Variants in PTPRJ observed in about 807,000 individuals in gnomAD.
The protein encoded by PTPRJ is protein tyrosine phosphatase receptor type J.
PTPRJ carries 129 observed loss-of-function variants against 141.3 expected under a neutral mutation model. The observed-to-expected ratio is 0.91, with a 90% CI of 0.79 to 1.06. The LOEUF is 1.06. Ranked by LOEUF, PTPRJ falls within the 50% of genes least tolerant of loss-of-function variation. PTPRJ has a pLI of 0.00. For synonymous variants in PTPRJ, 610 were observed against 640.5 expected (o/e 0.95, Z 0.72); for missense variants, 1,601 against 1,679.7 (o/e 0.95, Z 0.82).
chr11:48,136,960 T>A, intron 9 of PTPRJ, 43 bp from the exon 10 acceptor site: 1 of 1,506,052 alleles, frequency 6.6e-7, no homozygotes, highest in Non-Finnish European at 9.1e-7. Flanking sequence ...GAATTCTACT[T>A]AATCTGTGCT....
At chr11:48,124,712 T>G (rs1206065658) in intron 5 of PTPRJ, among the ~76,000 whole-genome samples, 1 of 152,162 alleles carries the variant, frequency 6.6e-6, no homozygotes, top group African/African-American at 2.4e-5. Flanking sequence ...GAGAATGACC[T>G]GAAATAAGCA....
At position 47,980,833 on chromosome 11, in the gene PTPRJ, C is replaced by A. The variant is rs1853880681; in HGVS notation, c.-80C>A. Reference sequence around the variant, plus strand: ...AGGAGGCGAAGGAGACGGCAGGAGGCGGCGACGACGGTGCCCGGGCTCGGG... The same window carrying A: ...AGGAGGCGAAGGAGACGGCAGGAGGAGGCGACGACGGTGCCCGGGCTCGGG... On this transcript the variant is annotated 5_prime_UTR_variant, in exon 1 of 25. Coordinates refer to ENST00000418331, the MANE Select transcript of PTPRJ (RefSeq NM_002843.4). The A allele has an allele frequency of 2.8e-6, 3 of 1,058,350 alleles. No individual in the cohort carries two copies. Among genetic ancestry groups the A allele is most frequent in the Non-Finnish European group, 3.4e-6 (3 of 879,644 alleles). 65.6% of individuals were successfully genotyped at this position (1,058,350 alleles called of 1,614,324 possible).
chr11:48,131,382 C>T (rs569498440), intron 8 of PTPRJ: 3 of 635,072 alleles, frequency 4.7e-6, no homozygotes, highest in East Asian at 2.8e-5. Context: ...TGCACCCAGC[C>T]CACAAATATA....
intron 1 of PTPRJ, among the ~76,000 whole-genome samples, chr11:48,017,499 A>G (rs1854981726): frequency 6.6e-6 from 1 of 152,262 alleles, no homozygotes; most frequent in Admixed American, 6.5e-5. Context: ...TATAAGAGTG[A>G]CATGGCATTC....
chr11:48,154,575 A>G (rs1241376206), intron 19 of PTPRJ, among the ~76,000 whole-genome samples: 1 of 152,236 alleles, frequency 6.6e-6, no homozygotes, highest in African/African-American at 2.4e-5. Context: ...GAGCATAAGC[A>G]GATTGTAGCC....
chr11:47,984,525 GA>G (rs1337774603), intron 1 of PTPRJ, among the ~76,000 whole-genome samples: 1 of 151,828 alleles, frequency 6.6e-6, no homozygotes, highest in Non-Finnish European at 1.5e-5. Flanking sequence ...GGCCATTTCA[GA>G]AATACCAAGA....
chr11:47,997,091 A>C (rs1354647310), intron 1 of PTPRJ, among the ~76,000 whole-genome samples: 1 of 152,098 alleles, frequency 6.6e-6, no homozygotes, highest in East Asian at 1.9e-4. Flanking sequence ...CCCTATTGAC[A>C]TTTTGGGCTG....
chr11:48,051,910 CA>C (rs1854581124), intron 1 of PTPRJ, among the ~76,000 whole-genome samples: 1 of 152,184 alleles, frequency 6.6e-6, no homozygotes, highest in Admixed American at 6.5e-5. Flanking sequence ...AGATGATAGT[CA>C]TATCTGAATG....
intron 8 of PTPRJ, chr11:48,132,342 A>G: frequency 4.1e-6 from 4 of 975,916 alleles, no homozygotes; most frequent in Non-Finnish European, 3.7e-6. Flanking sequence ...GCAGACTAGC[A>G]CCAGCCTGGG....
intron 1 of PTPRJ, among the ~76,000 whole-genome samples, chr11:48,040,891 C>T (rs1327419208): frequency 6.6e-6 from 1 of 152,174 alleles, no homozygotes; most frequent in Non-Finnish European, 1.5e-5. Context: ...CGTGAGCCAC[C>T]ATGCCCCTCT....
At chr11:48,071,036 A>T (rs1261628471) in intron 1 of PTPRJ, among the ~76,000 whole-genome samples, 1 of 152,180 alleles carries the variant, frequency 6.6e-6, no homozygotes, top group East Asian at 1.9e-4. Context: ...CTGTTAAAGT[A>T]TATTATTACT....
chr11:48,103,949 G>A (rs1166182071), intron 1 of PTPRJ, among the ~76,000 whole-genome samples: 1 of 152,222 alleles, frequency 6.6e-6, no homozygotes, highest in East Asian at 1.9e-4. Context: ...TTGCAGGGTG[G>A]TTGGTTCTCG....
chr11:48,053,063 T>C (rs1304245790), intron 1 of PTPRJ, among the ~76,000 whole-genome samples: 2 of 138,024 alleles, frequency 1.4e-5, no homozygotes, highest in East Asian at 4.0e-4. Flanking sequence ...GTTTTTTTTT[T>C]TCCCCTCCAA....
chr11:48,079,148 G>C (rs1565291860), intron 1 of PTPRJ, among the ~76,000 whole-genome samples: 1 of 149,796 alleles, frequency 6.7e-6, no homozygotes. Context: ...AACAATAGCT[G>C]ATGAGCTAAA....
At chr11:48,029,682 C>T (rs146915382) in intron 1 of PTPRJ, among the ~76,000 whole-genome samples, 125 of 152,182 alleles carry the variant, frequency 8.2e-4, no homozygotes, top group African/African-American at 2.4e-3. Flanking sequence ...ATTTCTTTAG[C>T]GGTCTTTTGT....
At chr11:48,160,566 T>C (rs577443854) in intron 22 of PTPRJ, among the ~76,000 whole-genome samples, 1 of 152,330 alleles carries the variant, frequency 6.6e-6, no homozygotes, top group East Asian at 1.9e-4. Context: ...CTTTTTTTCT[T>C]TTTCAAGGAT....
rs765258736 is a variant in PTPRJ, at chr11:48,136,305, C to T, written c.1873+9C>T. Reference sequence around the variant, plus strand: ...CACTGCACAGTACACACGTAAGTCTCTTAGGATGCCCTTCTAAGGAACAGC... The same window carrying T: ...CACTGCACAGTACACACGTAAGTCTTTTAGGATGCCCTTCTAAGGAACAGC... On this transcript the variant is annotated intron_variant, in intron 9 of 24. Coordinates refer to ENST00000418331, the MANE Select transcript of PTPRJ (RefSeq NM_002843.4). The T allele has an allele frequency of 6.8e-6, 11 of 1,611,970 alleles. No homozygotes were observed. The highest frequency in any genetic ancestry group is 8.5e-6 in the Non-Finnish European group (10 of 1,178,664).
At chr11:48,061,542 T>C (rs1854923570) in intron 1 of PTPRJ, among the ~76,000 whole-genome samples, 1 of 152,166 alleles carries the variant, frequency 6.6e-6, no homozygotes, top group Non-Finnish European at 1.5e-5. Flanking sequence ...TATCATGATC[T>C]CTGTTCGGTG....
At chr11:48,052,847 T>G (rs1197418040) in intron 1 of PTPRJ, among the ~76,000 whole-genome samples, 3 of 151,750 alleles carry the variant, frequency 2.0e-5, no homozygotes, top group African/African-American at 7.3e-5. Context: ...AAACTAGTAA[T>G]GGCTGAGCAG....
Sources: gnomAD v4.1 joint callset for allele counts (sites outside exome capture counted in the v4.1 genomes callset) on GRCh38, gnomAD v4.1.1 for gene constraint, MANE v1.5 for transcripts, NCBI Gene and HGNC (gene_info 2026-07-23, HGNC 2026-07-21) for gene names.